CIP2A: variants seen among roughly 807,000 people sequenced by gnomAD.
CIP2A encodes the protein cellular inhibitor of PP2A, also known as protein CIP2A.
In CIP2A, 103 loss-of-function variants were observed where a neutral mutation model predicts 110.9. The ratio of observed to expected loss-of-function variants is 0.93; its 90% confidence interval spans 0.79 to 1.09. The LOEUF (loss-of-function observed/expected upper bound fraction) is 1.09, where lower values mean the gene tolerates loss of function less well. CIP2A is among the 50% of genes least tolerant of loss of function. The probability of loss-of-function intolerance (pLI) is 0.00; values close to 1 mark genes in which losing one functional copy is unlikely to be tolerated. For missense variants in CIP2A, 1,088 were observed against 1,038.4 expected (o/e 1.05, Z -0.66); for synonymous variants, 381 against 361.6 (o/e 1.05, Z -0.61).
chr3:108,563,274 A>T (rs1299594638), intron 12 of CIP2A, 30 bp from the exon 13 acceptor site: 5 of 1,300,832 alleles, frequency 3.8e-6, no homozygotes, highest in Non-Finnish European at 5.6e-6. Context: ...AAAAAGAAGC[A>T]GCAGAAAGAA....
chr3:108,553,121 GTTTTTTTT>G (rs768832281), intron 19 of CIP2A, among the ~76,000 whole-genome samples: 8 of 67,158 alleles, frequency 1.2e-4, no homozygotes, highest in African/African-American at 4.5e-4. Flanking sequence ...CTTTCCTTTT[GTTTTTTTT>G]TTTTTTTTTT....
intron 5 of CIP2A, among the ~76,000 whole-genome samples, 189 bp downstream of exon 5, chr3:108,581,225 AC>A (rs1264382467): frequency 1.3e-5 from 2 of 152,246 alleles, no homozygotes; most frequent in Non-Finnish European, 2.9e-5. Flanking sequence ...AGTCTTCAAT[AC>A]AACATACACG....
At chr3:108,564,995 A>G (rs1210094790) in intron 12 of CIP2A, among the ~76,000 whole-genome samples, 1 of 151,796 alleles carries the variant, frequency 6.6e-6, no homozygotes, top group Non-Finnish European at 1.5e-5. Flanking sequence ...AATACCCTAC[A>G]TCAACCCTAA....
chr3:108,552,102 C>A (rs1937608634), intron 20 of CIP2A, 132 bp downstream of exon 20: 2 of 608,514 alleles, frequency 3.3e-6, no homozygotes, highest in Non-Finnish European at 5.4e-6. Context: ...AAATGATACT[C>A]AAGCTGCTTT....
chr3:108,553,894 TATAAAAAAAAA>T lies in CIP2A; in HGVS notation c.2325-175_2325-165del, dbSNP rs1283221868. Among the ~76,000 whole-genome samples the T allele has an allele frequency of 1.4e-4, 7 of 49,706 alleles. 1 individual carries two copies. The highest frequency in any genetic ancestry group is 2.8e-4 in the Non-Finnish European group (7 of 25,138). 32.6% of individuals were successfully genotyped at this position (49,706 alleles called of 152,430 possible). On this transcript the variant is annotated intron_variant, in intron 18 of 20. Coordinates refer to ENST00000295746, the MANE Select transcript of CIP2A (RefSeq NM_020890.3). ...GGTGAAACCCCGTCTCTACTAAAAA[TATAAAAAAAAA>T]AAAAAAAAAAAAAAGGTCTCGTTCT...
rs550227886 is a variant in CIP2A, at chr3:108,579,268, A to C, written c.818+13T>G. 3.1e-6 allele frequency: 5 copies of C among 1,591,938 alleles called. No individual in the cohort carries two copies. The Admixed American group carries it at 8.7e-5, about 28-fold the overall frequency. On this transcript the variant is annotated intron_variant, in intron 7 of 20. Coordinates refer to ENST00000295746, the MANE Select transcript of CIP2A (RefSeq NM_020890.3). The stretch of plus-strand genomic sequence containing the variant: ...AATAAAAAAGTTCTAAAATTGACTG[A>C]AGTGAGTCATACCTGGTGAGATAAT...
At chr3:108,560,523 T>C in intron 14 of CIP2A, 126 bp downstream of exon 14, 1 of 629,464 alleles carries the variant, frequency 1.6e-6, no homozygotes, top group East Asian at 3.0e-5. Context: ...TTCCAGAATA[T>C]TGTTATTTCT....
intron 8 of CIP2A, 108 bp from the exon 9 acceptor site, chr3:108,569,715 A>G (rs1938319124): frequency 2.4e-6 from 2 of 822,440 alleles, no homozygotes; most frequent in South Asian, 3.5e-5. Context: ...AAAATATTCT[A>G]AAACAAAACT....
rs1937707077 is a variant in CIP2A, at chr3:108,554,240, C to A, written c.2324+136G>T. On this transcript the variant is annotated intron_variant, in intron 18 of 20. Coordinates refer to ENST00000295746, the MANE Select transcript of CIP2A (RefSeq NM_020890.3). ...GAACAGCAATTGCCTGTAACTTCCA[C>A]CAAATACATATCTTATATCTAAAAT... The A allele has an allele frequency of 1.1e-5, 6 of 523,518 alleles. No individual in the cohort carries two copies. The South Asian group carries it at 1.7e-4, about 15-fold the overall frequency. The allele number at this position is 523,518 out of a possible 1,614,324, so 32.4% of individuals were successfully genotyped here.
chr3:108,559,609 AG>A (rs1413425009), intron 16 of CIP2A, 147 bp downstream of exon 16: 2 of 454,786 alleles, frequency 4.4e-6, no homozygotes, highest in Non-Finnish European at 7.6e-6. Context: ...AAAATTAAAG[AG>A]GACAGAATTT....
At chr3:108,559,173 A>G (rs562524890) in intron 16 of CIP2A, among the ~76,000 whole-genome samples, 11 of 152,302 alleles carry the variant, frequency 7.2e-5, no homozygotes, top group Non-Finnish European at 1.5e-4. Context: ...AAGCAGAGAT[A>G]GGGCAGAAAA....
chr3:108,588,699 G>C (rs1463392509), intron 1 of CIP2A, among the ~76,000 whole-genome samples: 2 of 151,880 alleles, frequency 1.3e-5, no homozygotes, highest in Non-Finnish European at 2.9e-5. Context: ...CATATCACTA[G>C]AATAGAAAAA....
chr3:108,580,448 C>CACACAT, intron 5 of CIP2A, among the ~76,000 whole-genome samples: 1 of 150,984 alleles, frequency 6.6e-6, no homozygotes, highest in Middle Eastern at 3.2e-3. Flanking sequence ...CACACACACA[C>CACACAT]ACACACACAC....
intron 7 of CIP2A, among the ~76,000 whole-genome samples, chr3:108,578,060 T>C (rs1243977254): frequency 6.6e-6 from 1 of 152,172 alleles, no homozygotes; most frequent in Non-Finnish European, 1.5e-5. Context: ...CAGGATTGGG[T>C]TATTGTTCAA....
intron 8 of CIP2A, among the ~76,000 whole-genome samples, chr3:108,571,499 A>T (rs980141980): frequency 2.0e-5 from 3 of 152,222 alleles, no homozygotes; most frequent in East Asian, 1.9e-4. Flanking sequence ...CACATGGTTC[A>T]AAAGACAAAC....
rs1043346016 is a variant in CIP2A at position 108,549,963 on chromosome 3, T to G, written c.*1186A>C. The G allele has an allele frequency of 6.6e-6, 1 of 152,014 alleles. No homozygotes were observed. The highest frequency in any genetic ancestry group is 1.5e-5 in the Non-Finnish European group (1 of 67,912). 9.4% of individuals were successfully genotyped at this position (152,014 alleles called of 1,614,324 possible). On this transcript the variant is annotated 3_prime_UTR_variant, in exon 21 of 21. Coordinates refer to ENST00000295746, the MANE Select transcript of CIP2A (RefSeq NM_020890.3). ...ATGCAATTTCAAAAGAGAAACAGAA[T>G]GTATCTCCTCTATAGAACAAATAGT...
At chr3:108,579,215 G>T in intron 7 of CIP2A, 66 bp downstream of exon 7, 5 of 1,216,418 alleles carry the variant, frequency 4.1e-6, no homozygotes, top group African/African-American at 1.5e-5. Flanking sequence ...AGACAATTCT[G>T]TTTATAACCA....
intron 18 of CIP2A, among the ~76,000 whole-genome samples, chr3:108,554,079 A>G (rs1352341275): frequency 1.3e-5 from 2 of 151,576 alleles, no homozygotes; most frequent in Non-Finnish European, 2.9e-5. Flanking sequence ...TATTTTCAGT[A>G]TTTACAGAGT....
intron 4 of CIP2A, among the ~76,000 whole-genome samples, 153 bp downstream of exon 4, chr3:108,581,955 C>A (rs892145406): frequency 6.6e-6 from 1 of 151,872 alleles, no homozygotes; most frequent in Non-Finnish European, 1.5e-5. Context: ...ACTTTTGATC[C>A]TTAAAATCAT....
Sources: allele counts gnomAD v4.1 joint callset (sites outside exome capture counted in the v4.1 genomes callset), GRCh38; gene constraint gnomAD v4.1.1; transcripts MANE v1.5; gene names NCBI Gene and HGNC (gene_info 2026-07-23, HGNC 2026-07-21).